The following UPP2 variants were observed in gnomAD, a reference collection of about 807,000 sequenced individuals.
UPP2 encodes uridine phosphorylase 2, also known as UPase 2.
Under a neutral mutation model 26.7 loss-of-function variants are expected in UPP2, and 23 were observed. That is an observed-to-expected ratio of 0.86 (90% CI 0.62 to 1.22). The LOEUF is 1.22. Ranked by LOEUF, UPP2 falls within the 50% of genes most tolerant of loss-of-function variation. The pLI is 0.00. For missense variants in UPP2, 387 were observed against 396.7 expected (o/e 0.98, Z 0.21); for synonymous variants, 127 against 141.3 (o/e 0.90, Z 0.72).
chr2:158,003,465 T>C (rs1261640887), intron 2 of UPP2, among the ~76,000 whole-genome samples: 1 of 152,094 alleles, frequency 6.6e-6, no homozygotes, highest in Non-Finnish European at 1.5e-5. Context: ...CCAAACACTT[T>C]AGGAGGCCAA....
upstream of UPP2, among the ~76,000 whole-genome samples, chr2:158,100,009 AC>A (rs1471555673): frequency 6.6e-6 from 1 of 152,128 alleles, no homozygotes; most frequent in Admixed American, 6.5e-5. Context: ...TAAAAACGAA[AC>A]CTTTTCCCCT....
intron 3 of UPP2, among the ~76,000 whole-genome samples, chr2:158,069,574 T>C (rs1682505103): frequency 6.6e-6 from 1 of 152,192 alleles, no homozygotes; most frequent in South Asian, 2.1e-4. Flanking sequence ...ACCGTGGTCG[T>C]CAGCTTCCCC....
intron 3 of UPP2, among the ~76,000 whole-genome samples, chr2:158,030,855 C>G (rs1683910479): frequency 6.6e-6 from 1 of 152,146 alleles, no homozygotes; most frequent in African/African-American, 2.4e-5. Flanking sequence ...TAAAAGTGAG[C>G]TGCTGGTTGG....
intron 3 of UPP2, among the ~76,000 whole-genome samples, chr2:158,061,596 G>A (rs1682352602): frequency 6.6e-6 from 1 of 152,206 alleles, no homozygotes; most frequent in Admixed American, 6.5e-5. Flanking sequence ...AGGGATATGG[G>A]GAGTGGTGGG....
chr2:158,001,562 G>A (rs1041390371), intron 2 of UPP2, among the ~76,000 whole-genome samples: 5 of 152,180 alleles, frequency 3.3e-5, no homozygotes, highest in African/African-American at 1.2e-4. Context: ...AGCCCAATAG[G>A]TCAGCCTCCT....
intron 3 of UPP2, among the ~76,000 whole-genome samples, chr2:158,092,792 A>C (rs1009112718): frequency 3.3e-5 from 5 of 152,238 alleles, no homozygotes; most frequent in Non-Finnish European, 7.3e-5. Context: ...TGCTTGTGTT[A>C]TGCAGAAGAG....
chr2:158,038,901 A>G (rs1684042519), intron 3 of UPP2, among the ~76,000 whole-genome samples: 1 of 152,218 alleles, frequency 6.6e-6, no homozygotes, highest in South Asian at 2.1e-4. Flanking sequence ...AATAGGTTCC[A>G]TCGGGGCATC....
At chr2:157,995,622 A>T (rs1683312904) in intron 2 of UPP2, among the ~76,000 whole-genome samples, 1 of 151,518 alleles carries the variant, frequency 6.6e-6, no homozygotes, top group Non-Finnish European at 1.5e-5. Context: ...TTAATACATA[A>T]TTTTTAAAAA....
At chr2:158,011,852 G>A (rs1025060682) in intron 2 of UPP2, among the ~76,000 whole-genome samples, 1 of 152,208 alleles carries the variant, frequency 6.6e-6, no homozygotes, top group Admixed American at 6.5e-5. Context: ...TAGGGTAGGT[G>A]TAAATGGTAG....
intron 3 of UPP2, among the ~76,000 whole-genome samples, chr2:158,075,988 G>A (rs1682625052): frequency 6.6e-6 from 1 of 151,768 alleles, no homozygotes; most frequent in Non-Finnish European, 1.5e-5. Flanking sequence ...TATGAAAAAG[G>A]AGACATTACA....
chr2:157,996,413 A>G lies in UPP2; in HGVS notation c.61+1154A>G, dbSNP rs898751746. On this transcript the variant is annotated intron_variant, in intron 2 of 9. Coordinates refer to the UPP2 transcript ENST00000605860. ...TTTCCCTAGAACTTGTTTACTCCCT[A>G]TTGAATAAATGTATGGCTTTTTTCC... Among the ~76,000 whole-genome samples the G allele has an allele frequency of 3.3e-5, 5 of 152,086 alleles. 1 individual carries two copies. The highest frequency in any genetic ancestry group is 7.4e-5 in the Non-Finnish European group (5 of 68,026).
rs533665180 is a variant in UPP2, at chr2:158,045,130, T to A, written c.147+29244T>A. Among the ~76,000 whole-genome samples the A allele has an allele frequency of 7.2e-5, 11 of 152,222 alleles. No homozygotes were observed. The East Asian group carries it at 2.1e-3, about 29-fold the overall frequency. On this transcript the variant is annotated intron_variant, in intron 3 of 9. Transcript: ENST00000605860. ...GAAACCCCCTTGTCCCTTGAGAAAA[T>A]AATGGGCTTGAAAACCAGGCTTAGA...
chr2:158,059,044 C>T (rs748196827), intron 3 of UPP2, among the ~76,000 whole-genome samples: 3 of 152,092 alleles, frequency 2.0e-5, no homozygotes, highest in South Asian at 2.1e-4. Context: ...GAGGTCAAAG[C>T]GAAGGGCTTT....
intron 3 of UPP2, among the ~76,000 whole-genome samples, chr2:158,043,462 G>A (rs1278002068): frequency 6.6e-6 from 1 of 152,174 alleles, no homozygotes; most frequent in Non-Finnish European, 1.5e-5. Context: ...GCATCCAGAT[G>A]CCTCCTACCT....
At chr2:158,091,519 G>A (rs536130878) in intron 3 of UPP2, among the ~76,000 whole-genome samples, 6 of 152,288 alleles carry the variant, frequency 3.9e-5, no homozygotes, top group South Asian at 2.1e-4. Context: ...TTTAGTAAAC[G>A]AAAAATCTCA....
At chr2:158,012,791 T>G (rs1420374779) in intron 2 of UPP2, among the ~76,000 whole-genome samples, 2 of 152,160 alleles carry the variant, frequency 1.3e-5, no homozygotes, top group African/African-American at 2.4e-5. Context: ...GGTAACTATT[T>G]TGTTGGATCA....
intron 3 of UPP2, among the ~76,000 whole-genome samples, chr2:158,061,715 T>C (rs1253587767): frequency 1.3e-5 from 2 of 152,230 alleles, no homozygotes; most frequent in Admixed American, 6.5e-5. Context: ...GTTGGTCTTT[T>C]GAATTTCTTT....
At chr2:158,000,124 C>G (rs559207966) in intron 2 of UPP2, among the ~76,000 whole-genome samples, 1 of 151,280 alleles carries the variant, frequency 6.6e-6, no homozygotes, top group Non-Finnish European at 1.5e-5. Context: ...AGTGCAATGG[C>G]GCGATCTCGG....
chr2:157,996,760 G>C (rs1683329918), intron 2 of UPP2, among the ~76,000 whole-genome samples: 1 of 152,128 alleles, frequency 6.6e-6, no homozygotes, highest in Non-Finnish European at 1.5e-5. Flanking sequence ...GAAGCATATT[G>C]ATTAAACTTC....
Sources: gnomAD v4.1 joint callset for allele counts (sites outside exome capture counted in the v4.1 genomes callset) on GRCh38, gnomAD v4.1.1 for gene constraint, MANE v1.5 for transcripts, NCBI Gene and HGNC (gene_info 2026-07-23, HGNC 2026-07-21) for gene names.